HSD17B13: variants seen among roughly 807,000 people sequenced by gnomAD.
HSD17B13 encodes hydroxysteroid 17-beta dehydrogenase 13.
In HSD17B13, 26 loss-of-function variants were observed where a neutral mutation model predicts 31.1. That is an observed-to-expected ratio of 0.84 (90% CI 0.61 to 1.16). HSD17B13 has a LOEUF of 1.16. HSD17B13 is among the 50% of genes most tolerant of loss of function. The pLI is 0.00. For missense variants in HSD17B13, 374 were observed against 366.5 expected (o/e 1.02, Z -0.17); for synonymous variants, 141 against 133.7 (o/e 1.05, Z -0.38).
intron 6 of HSD17B13, among the ~76,000 whole-genome samples, chr4:87,309,552 C>T (rs1178746222): frequency 6.6e-6 from 1 of 152,082 alleles, no homozygotes; most frequent in Non-Finnish European, 1.5e-5. Flanking sequence ...TTAGAAAACT[C>T]AATATTGTTG....
rs1391398495 is a variant in HSD17B13, at chr4:87,313,841, G to C, written c.677C>G (p.Thr226Ser). 1 of 1,610,942 alleles carries C rather than the reference G, an allele frequency of 6.2e-7. No homozygotes were observed. Among genetic ancestry groups the C allele is most frequent in the South Asian group, 1.1e-5 (1 of 90,852 alleles). ...ACCTTACCTTGTGCTTGGATTTTTG[G>C]TGAACCCAGTATTCACAAAAACTGG... ...LCPVFVNTGF[T>S]KNPSTRLWPV... Residue 226 changes from threonine (T) to serine (S), a missense_variant, in exon 5 of 7, where the codon ACC becomes AGC. Thr to Ser is a moderately conservative substitution (Grantham distance 58). Coordinates refer to ENST00000328546, the MANE Select transcript of HSD17B13 (RefSeq NM_178135.5).
rs1464890708 is a variant in HSD17B13, at chr4:87,313,969, G to T, written c.558-9C>A. The T allele has an allele frequency of 7.2e-6, 11 of 1,538,214 alleles. No individual in the cohort carries two copies. The highest frequency in any genetic ancestry group is 9.6e-6 in the Non-Finnish European group (11 of 1,142,940). On this transcript the variant is annotated splice_polypyrimidine_tract_variant and intron_variant, in intron 4 of 6. Coordinates refer to ENST00000328546, the MANE Select transcript of HSD17B13 (RefSeq NM_178135.5). Reference sequence around the variant, plus strand: ...CGGCAAATTTGCTGGAACTGTAAGAGAATTATTAAGCATTGTTAGCTAAGG... The same window carrying T: ...CGGCAAATTTGCTGGAACTGTAAGATAATTATTAAGCATTGTTAGCTAAGG...
chr4:87,321,295 T>G (rs1013249975), intron 1 of HSD17B13, among the ~76,000 whole-genome samples: 1 of 152,202 alleles, frequency 6.6e-6, no homozygotes, highest in African/African-American at 2.4e-5. Flanking sequence ...TCTCCCAAAG[T>G]GCTGGGATTA....
At chr4:87,315,381 A>G (rs1734628431) in intron 4 of HSD17B13, 112 bp downstream of exon 4, 1 of 485,282 alleles carries the variant, frequency 2.1e-6, no homozygotes, top group South Asian at 4.9e-5. Context: ...AGTTTTGTCC[A>G]ATTCTTTGTT....
At position 87,318,376 on chromosome 4, in the gene HSD17B13, C is replaced by T; in HGVS notation, c.271G>A (p.Val91Met). 6.2e-7 allele frequency: 1 copy of T among 1,614,246 alleles called. No individual in the cohort carries two copies. The highest frequency in any genetic ancestry group is 1.1e-5 in the South Asian group (1 of 91,090). The change falls in exon 2 of 7, where the codon GTG (valine) becomes ATG (methionine). Residue 91 changes from valine (V) to methionine (M), a missense_variant. Transcript: ENST00000328546. Reference sequence around the variant, plus strand: ...TCTTCTCTGTTGCTGCAGTCTACCACATACGCATGCGCAGTGACGCCTAGT... The same window carrying T: ...TCTTCTCTGTTGCTGCAGTCTACCATATACGCATGCGCAGTGACGCCTAGT... The part of the protein sequence containing the change: ...RKLGVTAHAY[V>M]VDCSNREEIY...
chr4:87,307,695 T>A (rs1734423054), intron 6 of HSD17B13, among the ~76,000 whole-genome samples: 1 of 152,014 alleles, frequency 6.6e-6, no homozygotes, highest in Non-Finnish European at 1.5e-5. Context: ...GAGCTGAGGT[T>A]TCACCATGTT....
chr4:87,314,645 A>T (rs530103146), intron 4 of HSD17B13, among the ~76,000 whole-genome samples: 147 of 144,774 alleles, frequency 1.0e-3, no homozygotes, highest in African/African-American at 2.6e-3. Context: ...TCTCTCTCAC[A>T]CACACACACA....
At chr4:87,305,890 C>A (rs1560745266) in intron 6 of HSD17B13, among the ~76,000 whole-genome samples, 1 of 152,124 alleles carries the variant, frequency 6.6e-6, no homozygotes, top group East Asian at 1.9e-4. Context: ...ACATTCTAGC[C>A]TGCAAAACAG....
Position 87,309,645 on chromosome 4 carries a change from T to C in HSD17B13, c.812+598A>G, listed in dbSNP as rs535070980. Among the ~76,000 whole-genome samples, 3 of 152,316 alleles carry C rather than the reference T, an allele frequency of 2.0e-5. No homozygotes were observed. In the East Asian group the frequency reaches 5.8e-4, roughly 29 times the overall value. ...AGCAGACTTTTAAAAATGGAGTCTTTATTATTAACTACTTCACTATATTGC... is the reference window on the plus strand; with the variant it reads ...AGCAGACTTTTAAAAATGGAGTCTTCATTATTAACTACTTCACTATATTGC... On this transcript the variant is annotated intron_variant, in intron 6 of 6. Transcript: ENST00000328546.
chr4:87,312,748 A>G (rs1187787940), intron 5 of HSD17B13, among the ~76,000 whole-genome samples: 1 of 150,998 alleles, frequency 6.6e-6, no homozygotes, highest in African/African-American at 2.4e-5. Context: ...AGCCAGGATG[A>G]CCTTTAATTC....
chr4:87,315,344 C>CTTCATTCTTTCCTGGCTTTGTTGG (rs1734627839), intron 4 of HSD17B13, 149 bp downstream of exon 4: 4 of 467,648 alleles, frequency 8.6e-6, no homozygotes, highest in Non-Finnish European at 1.5e-5. Context: ...GCTTTTGTTG[C>CTTCATTCTTTCCTGGCTTTGTTGG]TTCATTCTTT....
chr4:87,305,488 T>C (rs1305680337), intron 6 of HSD17B13, among the ~76,000 whole-genome samples, 180 bp from the exon 7 acceptor site: 1 of 152,014 alleles, frequency 6.6e-6, no homozygotes, highest in African/African-American at 2.4e-5. Context: ...TTTTCTTTTT[T>C]TTTTTTGACA....
intron 6 of HSD17B13, among the ~76,000 whole-genome samples, chr4:87,306,555 G>A (rs1178422628): frequency 6.6e-6 from 1 of 152,250 alleles, no homozygotes; most frequent in Middle Eastern, 3.4e-3. Context: ...GATAGTGGAG[G>A]AAAGCTTCAA....
rs993184958 is a variant in HSD17B13 at position 87,313,833 on chromosome 4, G to A, written c.685C>T (p.Pro229Ser). 2 of 1,611,140 alleles carry A rather than the reference G, an allele frequency of 1.2e-6. No individual in the cohort carries two copies. The highest frequency in any genetic ancestry group is 1.7e-6 in the Non-Finnish European group (2 of 1,178,750). The part of the protein sequence containing the change: ...VFVNTGFTKN[P>S]STRLWPVLET... ...TGATTTTGACCTTACCTTGTGCTTG[G>A]ATTTTTGGTGAACCCAGTATTCACA... The change falls in exon 5 of 7, where the codon CCA becomes TCA. Residue 229 changes from proline (P) to serine (S), a missense_variant. Physicochemically the swap from Pro to Ser is moderately conservative, Grantham distance 74 (BLOSUM62 -1). Coordinates refer to ENST00000328546, the MANE Select transcript of HSD17B13 (RefSeq NM_178135.5).
chr4:87,312,101 C>T (rs1578438910), intron 5 of HSD17B13, among the ~76,000 whole-genome samples: 1 of 152,102 alleles, frequency 6.6e-6, no homozygotes, highest in East Asian at 1.9e-4. Flanking sequence ...TCTATCATGC[C>T]TTCCCCAAGA....
At chr4:87,310,109 G>C (rs1734493553) in intron 6 of HSD17B13, 134 bp downstream of exon 6, 1 of 1,127,118 alleles carries the variant, frequency 8.9e-7, no homozygotes, top group African/African-American at 1.6e-5. Context: ...AGGTTGCAGT[G>C]AGCCAAGATC....
chr4:87,321,683 C>CT (rs1282933197), intron 1 of HSD17B13, among the ~76,000 whole-genome samples: 1 of 151,958 alleles, frequency 6.6e-6, no homozygotes, highest in Non-Finnish European at 1.5e-5. Flanking sequence ...AATGTAGTAG[C>CT]TTTTTTGTAT....
At chr4:87,313,642 T>A (rs1195613470) in intron 5 of HSD17B13, among the ~76,000 whole-genome samples, 181 bp downstream of exon 5, 1 of 152,208 alleles carries the variant, frequency 6.6e-6, no homozygotes, top group Non-Finnish European at 1.5e-5. Context: ...TGATCATTCC[T>A]GCTAGTCCCT....
At chr4:87,310,937 A>C (rs1734518401) in intron 5 of HSD17B13, among the ~76,000 whole-genome samples, 1 of 152,222 alleles carries the variant, frequency 6.6e-6, no homozygotes, top group Non-Finnish European at 1.5e-5. Context: ...GGAGGTTGGC[A>C]CAAGATTCAG....
Sources: allele counts gnomAD v4.1 joint callset (sites outside exome capture counted in the v4.1 genomes callset), GRCh38; gene constraint gnomAD v4.1.1; transcripts MANE v1.5; gene names NCBI Gene and HGNC (gene_info 2026-07-23, HGNC 2026-07-21).